The following HFM1 variants were observed in gnomAD, a reference collection of about 807,000 sequenced individuals.
HFM1 encodes the protein helicase for meiosis 1.
HFM1 carries 169 observed loss-of-function variants against 192.1 expected under a neutral mutation model. The observed-to-expected ratio is 0.88, with a 90% CI of 0.78 to 1.00. The LOEUF (loss-of-function observed/expected upper bound fraction) is 1.00, where lower values mean the gene tolerates loss of function less well. HFM1 is among the 50% of genes least tolerant of loss of function. The probability of loss-of-function intolerance (pLI) is 0.00; values close to 1 mark genes in which losing one functional copy is unlikely to be tolerated. For missense variants in HFM1, 1,661 were observed against 1,668.0 expected (o/e 1.00, Z 0.07); for synonymous variants, 525 against 537.8 (o/e 0.98, Z 0.33).
intron 6 of HFM1, among the ~76,000 whole-genome samples, chr1:91,384,001 A>T (rs1027849444): frequency 2.0e-4 from 30 of 152,292 alleles, no homozygotes; most frequent in African/African-American, 7.0e-4. Flanking sequence ...AAAATAAAAT[A>T]AAAAAACCTT....
intron 30 of HFM1, among the ~76,000 whole-genome samples, chr1:91,286,027 G>A (rs1667935523): frequency 1.3e-5 from 2 of 152,152 alleles, no homozygotes; most frequent in Admixed American, 1.3e-4. Context: ...AGCAATGCTG[G>A]CAATTTGGAT....
chr1:91,345,834 G>T lies in HFM1; in HGVS notation c.2254+1595C>A, dbSNP rs565781227. Reference sequence around the variant, plus strand: ...GAGAAGAAAGAATGCTACATAGAGAGGCCAAGAAGAATCTGAACAAACAGG... The same window carrying T: ...GAGAAGAAAGAATGCTACATAGAGATGCCAAGAAGAATCTGAACAAACAGG... On this transcript the variant is annotated intron_variant, in intron 19 of 38. Transcript: ENST00000370425. 1.6e-4 allele frequency among the ~76,000 whole-genome samples: 24 copies of T among 152,196 alleles called. No individual in the cohort carries two copies. The East Asian group carries it at 2.7e-3, about 17-fold the overall frequency.
intron 13 of HFM1, among the ~76,000 whole-genome samples, chr1:91,372,274 A>G (rs1285099929): frequency 6.6e-6 from 1 of 152,176 alleles, no homozygotes; most frequent in African/African-American, 2.4e-5. Flanking sequence ...TGCTGCTATA[A>G]AGGCACATGT....
intron 4 of HFM1, among the ~76,000 whole-genome samples, chr1:91,386,244 G>C (rs900961908): frequency 3.9e-5 from 6 of 152,168 alleles, no homozygotes; most frequent in Non-Finnish European, 8.8e-5. Flanking sequence ...TCACTCTGTG[G>C]AGAGCTAGTC....
intron 6 of HFM1, among the ~76,000 whole-genome samples, chr1:91,383,938 A>G (rs1661864214): frequency 6.6e-6 from 1 of 151,946 alleles, no homozygotes; most frequent in South Asian, 2.1e-4. Flanking sequence ...AAAATATACC[A>G]TTTTTATTTG....
chr1:91,378,302 G>T, intron 10 of HFM1, 101 bp downstream of exon 10: 1 of 1,233,126 alleles, frequency 8.1e-7, no homozygotes, highest in Non-Finnish European at 1.2e-6. Context: ...CCACTTGAAG[G>T]GATAAAACAA....
In HFM1 at chr1:91,317,002, GA is replaced by G. The variant is rs1293772386; in HGVS notation, c.2813-527del. Among the ~76,000 whole-genome samples the G allele has an allele frequency of 2.0e-5, 3 of 151,928 alleles. No individual in the cohort carries two copies. The East Asian group carries it at 5.8e-4, about 29-fold the overall frequency. ...GAATGAAGTGGCAATTTCCTTACTG[GA>G]GCCAAATTTCCTTACCTATATAATC... On this transcript the variant is annotated intron_variant, in intron 25 of 38. Transcript: ENST00000370425.
intron 13 of HFM1, among the ~76,000 whole-genome samples, chr1:91,358,899 A>G (rs1658095012): frequency 6.6e-6 from 1 of 152,168 alleles, no homozygotes; most frequent in South Asian, 2.1e-4. Context: ...TGGAGCTTCT[A>G]GAGGAAGTAG....
intron 13 of HFM1, among the ~76,000 whole-genome samples, chr1:91,353,898 A>G (rs1657339769): frequency 6.7e-6 from 1 of 148,892 alleles, no homozygotes; most frequent in South Asian, 2.1e-4. Flanking sequence ...TTGTGCAGAC[A>G]TCAATAGAGG....
intron 20 of HFM1, chr1:91,328,446 C>T: frequency 6.2e-7 from 1 of 1,612,060 alleles, no homozygotes; most frequent in South Asian, 1.1e-5. Context: ...GGGAGAATGA[C>T]ATCAAGAGCT....
chr1:91,271,902 G>A (rs1254583568), intron 34 of HFM1, among the ~76,000 whole-genome samples: 1 of 152,138 alleles, frequency 6.6e-6, no homozygotes, highest in African/African-American at 2.4e-5. Flanking sequence ...TTTTGGGCAA[G>A]TCATTTAATC....
At position 91,272,707 on chromosome 1, in the gene HFM1, T is replaced by A. The variant is rs556009646; in HGVS notation, c.3772+1005A>T. Among the ~76,000 whole-genome samples, 415 of 152,200 alleles carry A rather than the reference T, an allele frequency of 2.7e-3. 1 individual carries two copies. The highest frequency in any genetic ancestry group is 9.1e-3 in the African/African-American group (380 of 41,564). On this transcript the variant is annotated intron_variant, in intron 34 of 38. Transcript: ENST00000370425. ...CCAGGCTTTGAATAAGTTGGATAAA[T>A]GCTCTGGTTCTCCAGGTGAGATTAG...
intron 20 of HFM1, chr1:91,329,519 A>T: frequency 6.6e-7 from 1 of 1,507,168 alleles, no homozygotes; most frequent in Non-Finnish European, 9.0e-7. Flanking sequence ...GGGGAAAATA[A>T]ATGTGTTTCC....
At chr1:91,298,631 T>C (rs1172165812) in intron 30 of HFM1, among the ~76,000 whole-genome samples, 1 of 152,192 alleles carries the variant, frequency 6.6e-6, no homozygotes. Context: ...GGGGCAAATA[T>C]TCAACATTCT....
chr1:91,360,143 C>A (rs751904126), intron 13 of HFM1, among the ~76,000 whole-genome samples: 3 of 151,102 alleles, frequency 2.0e-5, no homozygotes, highest in East Asian at 1.9e-4. Flanking sequence ...ATAAACAAGT[C>A]TGAAAAATAA....
At chr1:91,297,078 G>A (rs181085871) in intron 30 of HFM1, among the ~76,000 whole-genome samples, 15 of 152,270 alleles carry the variant, frequency 9.9e-5, no homozygotes, top group Admixed American at 7.2e-4. Context: ...CTGGAAAATC[G>A]GGTCACTCCC....
At chr1:91,318,476 G>A (rs1435887748) in intron 25 of HFM1, among the ~76,000 whole-genome samples, 1 of 152,088 alleles carries the variant, frequency 6.6e-6, no homozygotes, top group Non-Finnish European at 1.5e-5. Context: ...AGAAAGAATA[G>A]GGTCACAAGG....
At chr1:91,278,728 G>C (rs140581952) in intron 30 of HFM1, among the ~76,000 whole-genome samples, 9 of 152,228 alleles carry the variant, frequency 5.9e-5, no homozygotes, top group African/African-American at 2.2e-4. Context: ...GGTCCTTAGA[G>C]CTGAACAGAT....
intron 4 of HFM1, among the ~76,000 whole-genome samples, chr1:91,389,977 T>G (rs948477483): frequency 6.6e-6 from 1 of 152,188 alleles, no homozygotes; most frequent in African/African-American, 2.4e-5. Flanking sequence ...TGGGTTTATA[T>G]CCAAAGAATT....
Sources: gnomAD v4.1 joint callset for allele counts (sites outside exome capture counted in the v4.1 genomes callset) on GRCh38, gnomAD v4.1.1 for gene constraint, MANE v1.5 for transcripts, NCBI Gene and HGNC (gene_info 2026-07-23, HGNC 2026-07-21) for gene names.